The following CCSER1 variants were observed in gnomAD, a reference collection of about 807,000 sequenced individuals.
The protein encoded by CCSER1 is coiled-coil serine rich protein 1.
CCSER1 carries 41 observed loss-of-function variants against 82.0 expected under a neutral mutation model. The ratio of observed to expected loss-of-function variants is 0.50; its 90% CI spans 0.39 to 0.65. CCSER1 has a LOEUF of 0.65. Ranked by LOEUF, CCSER1 falls within the 30% of genes least tolerant of loss-of-function variation. CCSER1 has a pLI of 0.00. For missense variants in CCSER1, 1,119 were observed against 1,064.2 expected, an observed-to-expected ratio of 1.05 and a Z score of -0.72; for synonymous variants, 414 against 383.9, an observed-to-expected ratio of 1.08 and a Z score of -0.92.
At chr4:90,970,616 A>C (rs1442392234) in intron 9 of CCSER1, among the ~76,000 whole-genome samples, 1 of 152,022 alleles carries the variant, frequency 6.6e-6, no homozygotes, top group African/African-American at 2.4e-5. Context: ...CAGACATTTT[A>C]TCCAACAGCA....
At chr4:91,425,385 C>T (rs1463887538) in intron 10 of CCSER1, among the ~76,000 whole-genome samples, 1 of 151,910 alleles carries the variant, frequency 6.6e-6, no homozygotes, top group East Asian at 1.9e-4. Flanking sequence ...TGTCGACATC[C>T]CAAGAATATT....
chr4:90,708,287 C>T (rs916431482), intron 6 of CCSER1, among the ~76,000 whole-genome samples: 4 of 152,178 alleles, frequency 2.6e-5, no homozygotes, highest in African/African-American at 9.7e-5. Flanking sequence ...TTAATGTTCT[C>T]GCTCAGACCT....
intron 3 of CCSER1, among the ~76,000 whole-genome samples, chr4:90,362,411 T>G (rs1424945330): frequency 1.3e-5 from 2 of 152,188 alleles, no homozygotes; most frequent in Non-Finnish European, 2.9e-5. Context: ...GTTTTTCATA[T>G]ATCACCACAA....
chr4:90,445,325 A>T (rs976003492), intron 4 of CCSER1, among the ~76,000 whole-genome samples: 2 of 152,100 alleles, frequency 1.3e-5, no homozygotes, highest in African/African-American at 4.8e-5. Flanking sequence ...TCAAAGAGTG[A>T]TACTTTCTCT....
At chr4:90,421,974 C>T (rs1756763438) in intron 4 of CCSER1, among the ~76,000 whole-genome samples, 2 of 152,182 alleles carry the variant, frequency 1.3e-5, no homozygotes, top group South Asian at 4.2e-4. Flanking sequence ...CCTCAGTCTC[C>T]CTACTGAGGG....
intron 10 of CCSER1, among the ~76,000 whole-genome samples, chr4:91,382,711 G>C (rs539102549): frequency 1.3e-5 from 2 of 152,202 alleles, no homozygotes; most frequent in Admixed American, 1.3e-4. Context: ...TGCACCCACT[G>C]TCCTGCACCC....
intron 1 of CCSER1, among the ~76,000 whole-genome samples, chr4:90,284,140 A>C (rs1045048996): frequency 2.0e-5 from 3 of 151,794 alleles, no homozygotes; most frequent in African/African-American, 7.3e-5. Flanking sequence ...ATGTCTGTTC[A>C]TTTGCTGATT....
chr4:91,292,043 A>C (rs1003942310), intron 10 of CCSER1, among the ~76,000 whole-genome samples: 21 of 152,020 alleles, frequency 1.4e-4, no homozygotes, highest in African/African-American at 5.1e-4. Context: ...AAATTTGGAA[A>C]GTTTTCCTCT....
At chr4:90,153,806 C>A (rs978292660) in intron 1 of CCSER1, among the ~76,000 whole-genome samples, 1 of 152,054 alleles carries the variant, frequency 6.6e-6, no homozygotes, top group Non-Finnish European at 1.5e-5. Context: ...GAGTAGGTTG[C>A]GAAAATTTTC....
At chr4:90,228,326 A>C (rs1314729968) in intron 1 of CCSER1, among the ~76,000 whole-genome samples, 1 of 152,136 alleles carries the variant, frequency 6.6e-6, no homozygotes, top group Non-Finnish European at 1.5e-5. Context: ...CTGACCCCCG[A>C]GCAGCCTAAC....
chr4:91,225,401 T>C (rs1034048890), intron 10 of CCSER1, among the ~76,000 whole-genome samples: 2 of 143,068 alleles, frequency 1.4e-5, no homozygotes, highest in Admixed American at 1.5e-4. Flanking sequence ...TATATTCATA[T>C]ATATTATATA....
At chr4:91,129,050 C>T (rs1727764377) in intron 10 of CCSER1, among the ~76,000 whole-genome samples, 1 of 152,006 alleles carries the variant, frequency 6.6e-6, no homozygotes, top group African/African-American at 2.4e-5. Flanking sequence ...CTCTATTTCT[C>T]TGCATTTGTT....
intron 9 of CCSER1, among the ~76,000 whole-genome samples, chr4:91,005,216 C>T (rs1293998146): frequency 6.6e-6 from 1 of 152,178 alleles, no homozygotes; most frequent in Admixed American, 6.5e-5. Context: ...TCTTTTTCCA[C>T]CAAACTACTT....
At chr4:91,086,136 T>C in intron 10 of CCSER1, 142 bp downstream of exon 10, 2 of 572,524 alleles carry the variant, frequency 3.5e-6, no homozygotes, top group Non-Finnish European at 3.2e-6. Flanking sequence ...TGCATATGGC[T>C]CTGTTCATTC....
In CCSER1 at chr4:90,301,503, C is replaced by T. The variant is rs149246193; in HGVS notation, c.-41-6741C>T. Among the ~76,000 whole-genome samples, 42 of 152,200 alleles carry T rather than the reference C, an allele frequency of 2.8e-4. No homozygotes were observed. In the East Asian group the frequency reaches 8.1e-3, roughly 29 times the overall value. Reference sequence around the variant, plus strand: ...TTTTATTTCTAATAGGGTCTGTATACATTTGTGTAGTAGTATTGTCTTCAA... The same window carrying T: ...TTTTATTTCTAATAGGGTCTGTATATATTTGTGTAGTAGTATTGTCTTCAA... On this transcript the variant is annotated intron_variant, in intron 1 of 10. Coordinates refer to ENST00000509176, the MANE Select transcript of CCSER1 (RefSeq NM_001145065.2).
chr4:90,484,391 C>A (rs558702148), intron 5 of CCSER1, among the ~76,000 whole-genome samples: 1 of 152,306 alleles, frequency 6.6e-6, no homozygotes, highest in South Asian at 2.1e-4. Context: ...CATTCTCCAT[C>A]CAGCTTTATT....
chr4:90,893,790 T>TGGGGG (rs1172805579), intron 8 of CCSER1, among the ~76,000 whole-genome samples: 3 of 127,024 alleles, frequency 2.4e-5, no homozygotes, highest in Non-Finnish European at 3.6e-5. Context: ...TGTGTGTGTG[T>TGGGGG]GTGGGGGGTG....
intron 7 of CCSER1, among the ~76,000 whole-genome samples, chr4:90,778,348 A>C (rs1753228716): frequency 6.6e-6 from 1 of 152,192 alleles, no homozygotes; most frequent in Non-Finnish European, 1.5e-5. Flanking sequence ...GAATTCAAGC[A>C]TTCAAAAAAT....
chr4:91,487,189 G>A (rs559981567), intron 10 of CCSER1, among the ~76,000 whole-genome samples: 1 of 152,184 alleles, frequency 6.6e-6, no homozygotes, highest in East Asian at 1.9e-4. Context: ...GGAAACTTAG[G>A]TAGCATTATG....
Sources: gnomAD v4.1 joint callset for allele counts (sites outside exome capture counted in the v4.1 genomes callset) on GRCh38, gnomAD v4.1.1 for gene constraint, MANE v1.5 for transcripts, NCBI Gene and HGNC (gene_info 2026-07-23, HGNC 2026-07-21) for gene names.